MRTFB: variants seen among roughly 807,000 people sequenced by gnomAD.
MRTFB encodes myocardin related transcription factor B.
A neutral mutation model predicts 104.2 loss-of-function variants in MRTFB; 29 were observed. That is an observed-to-expected ratio of 0.28 (90% CI 0.21 to 0.38). MRTFB has a LOEUF of 0.38. Ranked by LOEUF, MRTFB falls within the 10% of genes least tolerant of loss-of-function variation. MRTFB has a pLI of 1.00. For missense variants in MRTFB, 1,270 were observed against 1,341.6 expected (o/e 0.95, Z 0.83); for synonymous variants, 535 against 519.5 (o/e 1.03, Z -0.41).
rs2039612037 is a variant in MRTFB at position 14,177,164 on chromosome 16, A to C, written c.155-33079A>C. ...ATGTAGGGAGTTAATAACGCCGGTCAGGAAGGTGGGAGACAAAGCACTGAT... is the reference window on the plus strand; with the variant it reads ...ATGTAGGGAGTTAATAACGCCGGTCCGGAAGGTGGGAGACAAAGCACTGAT... On this transcript the variant is annotated intron_variant, in intron 3 of 16. Coordinates refer to ENST00000571589, the MANE Select transcript of MRTFB (RefSeq NM_001308142.2). This position sits in a 1 kb window ranked among gnomAD's most constrained non-coding sequence, Gnocchi z 4.7. 6.6e-6 allele frequency among the ~76,000 whole-genome samples: 1 copy of C among 152,240 alleles called. No individual in the cohort carries two copies. Among genetic ancestry groups the C allele is most frequent in the South Asian group, 2.1e-4 (1 of 4,828 alleles).
intron 2 of MRTFB, among the ~76,000 whole-genome samples, chr16:14,114,434 A>G (rs1034077820): frequency 2.0e-5 from 3 of 152,210 alleles, no homozygotes; most frequent in East Asian, 1.9e-4. Context: ...TTCAATCTCA[A>G]TTCCCACATT....
chr16:14,006,619 G>C, the MRTFB span, among the ~76,000 whole-genome samples: 1 of 151,776 alleles, frequency 6.6e-6, no homozygotes, highest in African/African-American at 2.4e-5. Context: ...TTCTGCGTTC[G>C]CTGCCCTTGT....
intron 9 of MRTFB, among the ~76,000 whole-genome samples, chr16:14,239,552 G>A (rs966766987): frequency 3.3e-5 from 5 of 151,998 alleles, no homozygotes; most frequent in African/African-American, 9.7e-5. Context: ...TTCAGATGAC[G>A]CTATCTTAGA....
At chr16:14,139,412 A>G (rs992027038) in intron 2 of MRTFB, among the ~76,000 whole-genome samples, 1 of 152,326 alleles carries the variant, frequency 6.6e-6, no homozygotes, top group East Asian at 1.9e-4. Flanking sequence ...GACCATATGA[A>G]GTACCGAGGA....
At chr16:14,065,453 C>G in the MRTFB span, among the ~76,000 whole-genome samples, 13 of 152,226 alleles carry the variant, frequency 8.5e-5, no homozygotes, top group African/African-American at 2.9e-4. Context: ...CTTTTAATTT[C>G]TTTCTCTTGC....
intron 9 of MRTFB, among the ~76,000 whole-genome samples, chr16:14,236,638 G>C (rs958103490): frequency 2.6e-5 from 4 of 152,166 alleles, no homozygotes; most frequent in Admixed American, 1.3e-4. Context: ...TGTGAGCCAT[G>C]AAGATATCTA....
At chr16:14,122,742 A>C (rs1201379669) in intron 2 of MRTFB, among the ~76,000 whole-genome samples, 1 of 152,238 alleles carries the variant, frequency 6.6e-6, no homozygotes, top group East Asian at 1.9e-4. Context: ...ATAGTGCCAC[A>C]GTAAACATAT....
intron 4 of MRTFB, among the ~76,000 whole-genome samples, chr16:14,211,337 C>G (rs956097141): frequency 1.3e-5 from 2 of 152,186 alleles, no homozygotes; most frequent in Admixed American, 6.5e-5. Flanking sequence ...ATTTAAGACA[C>G]CATTGCTAGG....
intron 3 of MRTFB, among the ~76,000 whole-genome samples, chr16:14,158,566 T>C (rs1286292768): frequency 6.6e-6 from 1 of 152,182 alleles, no homozygotes; most frequent in Non-Finnish European, 1.5e-5. Context: ...ATAGAAAAAA[T>C]ATAACTTTCA....
chr16:14,076,524 A>G (rs2034068484), intron 1 of MRTFB, among the ~76,000 whole-genome samples: 1 of 152,226 alleles, frequency 6.6e-6, no homozygotes, highest in Non-Finnish European at 1.5e-5. Context: ...CAACTGTAAA[A>G]TATACATTGT....
intron 3 of MRTFB, among the ~76,000 whole-genome samples, chr16:14,158,458 T>C (rs975738815): frequency 2.6e-5 from 4 of 152,216 alleles, no homozygotes; most frequent in African/African-American, 7.2e-5. Flanking sequence ...AATTAAATAA[T>C]GCAAAACACC....
the MRTFB span, among the ~76,000 whole-genome samples, chr16:14,039,052 C>A: frequency 1.3e-5 from 2 of 152,182 alleles, no homozygotes; most frequent in African/African-American, 4.8e-5. Flanking sequence ...GTCCCTCCCA[C>A]AACATGTGGG....
the MRTFB span, chr16:14,021,050 A>G: frequency 1.3e-5 from 2 of 152,172 alleles, no homozygotes; most frequent in African/African-American, 4.8e-5. Flanking sequence ...AGTGGAGGAG[A>G]TATTTTTAGA....
the MRTFB span, among the ~76,000 whole-genome samples, chr16:14,022,623 C>G: frequency 2.6e-5 from 4 of 152,226 alleles, no homozygotes; most frequent in East Asian, 1.9e-4. Flanking sequence ...TCAAGATGGT[C>G]TCAATCTCTT....
intron 10 of MRTFB, among the ~76,000 whole-genome samples, chr16:14,245,315 A>T (rs1253598832): frequency 6.6e-6 from 1 of 152,172 alleles, no homozygotes; most frequent in African/African-American, 2.4e-5. Flanking sequence ...AAAGCTTAGA[A>T]TCGCCTTCTA....
chr16:14,236,898 GTGGTTGGATTC>G (rs1442472827), intron 9 of MRTFB, among the ~76,000 whole-genome samples: 1 of 152,226 alleles, frequency 6.6e-6, no homozygotes, highest in African/African-American at 2.4e-5. Flanking sequence ...GATAACAGAA[GTGGTTGGATTC>G]TGGCTGCATT....
At chr16:14,082,664 C>T (rs551227525) in intron 2 of MRTFB, among the ~76,000 whole-genome samples, 1 of 152,218 alleles carries the variant, frequency 6.6e-6, no homozygotes, top group South Asian at 2.1e-4. Flanking sequence ...CCTGTAGTTC[C>T]AGTTACTCAG....
At chr16:14,036,060 T>C in the MRTFB span, among the ~76,000 whole-genome samples, 1 of 144,374 alleles carries the variant, frequency 6.9e-6, no homozygotes, top group African/African-American at 2.6e-5. Context: ...CATTAATTCA[T>C]TCCTTTTTAT....
At chr16:14,174,639 C>G (rs2039524418) in intron 3 of MRTFB, among the ~76,000 whole-genome samples, 1 of 152,228 alleles carries the variant, frequency 6.6e-6, no homozygotes, top group African/African-American at 2.4e-5. Flanking sequence ...GCCAAAATCA[C>G]ACGACCACAC....
Sources: allele counts gnomAD v4.1 joint callset (sites outside exome capture counted in the v4.1 genomes callset), GRCh38; gene constraint gnomAD v4.1.1; non-coding constraint Gnocchi (gnomAD v3.1); transcripts MANE v1.5; gene names NCBI Gene and HGNC (gene_info 2026-07-23, HGNC 2026-07-21).